The following ST3GAL4 variants were observed in gnomAD, a reference collection of about 807,000 sequenced individuals.
ST3GAL4 encodes CMP-N-acetylneuraminate-beta-galactosamide-alpha-2,3-sialyltransferase 4.
ST3GAL4 carries 24 observed loss-of-function variants against 42.6 expected under a neutral mutation model. The observed-to-expected ratio is 0.56, with a 90% CI of 0.41 to 0.79. The LOEUF is 0.79. ST3GAL4 is among the 30% of genes least tolerant of loss of function. The pLI is 0.00. For missense variants in ST3GAL4, 311 were observed against 430.8 expected, an observed-to-expected ratio of 0.72 and a Z score of 2.46; for synonymous variants, 135 against 163.2, an observed-to-expected ratio of 0.83 and a Z score of 1.32.
At chr11:126,385,887 A>G (rs2135460149) in intron 1 of ST3GAL4, among the ~76,000 whole-genome samples, 1 of 151,438 alleles carries the variant, frequency 6.6e-6, no homozygotes, top group African/African-American at 2.4e-5. Context: ...CTTTGTTATC[A>G]ATGCCCTCCA....
rs1233819509 is a variant in ST3GAL4, at chr11:126,397,443, T to C, written c.-60-8653T>C. 6.6e-6 allele frequency among the ~76,000 whole-genome samples: 1 copy of C among 151,374 alleles called. No homozygotes were observed. The highest frequency in any genetic ancestry group is 1.9e-4 in the East Asian group (1 of 5,200). The stretch of plus-strand genomic sequence containing the variant: ...TGAAAACCTTGTATAATATAAAATT[T>C]TGTTACCTCTAAGTGCTGAAATTAA... On this transcript the variant is annotated intron_variant, in intron 1 of 10. Coordinates refer to ENST00000444328, the MANE Select transcript of ST3GAL4 (RefSeq NM_001254757.2). This position sits in a 1 kb window ranked among gnomAD's most constrained non-coding sequence, Gnocchi z 5.0.
Position 126,406,588 on chromosome 11 carries a change from C to G in ST3GAL4, c.101+31C>G. The G allele has an allele frequency of 6.2e-7, 1 of 1,613,912 alleles. No individual in the cohort carries two copies. Among genetic ancestry groups the G allele is most frequent in the Non-Finnish European group, 8.5e-7 (1 of 1,179,908 alleles). ...TTCACCTTCCATGTCCTTCCAGTGG[C>G]TCTTGTCAGGGACAGGGCTTAGGGA... is the stretch of plus-strand genomic sequence containing the variant. On this transcript the variant is annotated intron_variant, in intron 3 of 10. Coordinates refer to ENST00000444328, the MANE Select transcript of ST3GAL4 (RefSeq NM_001254757.2). This position sits in a 1 kb window ranked among gnomAD's most constrained non-coding sequence, Gnocchi z 5.4.
intron 4 of ST3GAL4, 106 bp downstream of exon 4, chr11:126,407,129 A>G (rs1012263432): frequency 1.6e-5 from 23 of 1,469,010 alleles, no homozygotes; most frequent in Admixed American, 3.4e-5. Flanking sequence ...GTTGGTGGAC[A>G]TGGGTTAGGT....
chr11:126,406,855 C>A lies in ST3GAL4; in HGVS notation c.102-88C>A. The A allele has an allele frequency of 8.0e-7, 1 of 1,249,474 alleles. No individual in the cohort carries two copies. The highest frequency in any genetic ancestry group is 1.2e-6 in the Non-Finnish European group (1 of 861,038). 77.4% of individuals were successfully genotyped at this position (1,249,474 alleles called of 1,614,324 possible). Reference sequence around the variant, plus strand: ...TTCCTCCCCGGCACCTTGGGACCTTCATGCCGTGGGAGAAGGCTTAGGCTG... The same window carrying A: ...TTCCTCCCCGGCACCTTGGGACCTTAATGCCGTGGGAGAAGGCTTAGGCTG... On this transcript the variant is annotated intron_variant, in intron 3 of 10. Coordinates refer to ENST00000444328, the MANE Select transcript of ST3GAL4 (RefSeq NM_001254757.2). This position sits in a 1 kb window ranked among gnomAD's most constrained non-coding sequence, Gnocchi z 5.4.
chr11:126,372,641 C>T (rs949735761), intron 1 of ST3GAL4, among the ~76,000 whole-genome samples: 5 of 152,140 alleles, frequency 3.3e-5, no homozygotes, highest in Non-Finnish European at 2.9e-5. Context: ...GTCTCGAACT[C>T]CCAACCTCAG....
intron 1 of ST3GAL4, among the ~76,000 whole-genome samples, chr11:126,381,441 GA>G (rs1952997821): frequency 6.6e-6 from 1 of 151,608 alleles, no homozygotes. Context: ...GCTGTGGGCA[GA>G]GGAGGAAAGG....
intron 1 of ST3GAL4, among the ~76,000 whole-genome samples, chr11:126,357,524 C>T (rs561865541): frequency 6.6e-6 from 1 of 152,132 alleles, no homozygotes; most frequent in African/African-American, 2.4e-5. Context: ...GCCTTCCCTA[C>T]GGGAAGCAGT....
At position 126,392,760 on chromosome 11, in the gene ST3GAL4, C is replaced by T. The variant is rs1345831486; in HGVS notation, c.-60-13336C>T. 1.3e-5 allele frequency among the ~76,000 whole-genome samples: 2 copies of T among 152,096 alleles called. No individual in the cohort carries two copies. The highest frequency in any genetic ancestry group is 3.9e-4 in the East Asian group (2 of 5,192). The stretch of plus-strand genomic sequence containing the variant: ...TACTTGGGACAGTGTGGTTTAACTG[C>T]CACAAAGTTAATAAAGCAGCATGAT... On this transcript the variant is annotated intron_variant, in intron 1 of 10. Transcript: ENST00000444328. This position sits in a 1 kb window ranked among gnomAD's most constrained non-coding sequence, Gnocchi z 5.8.
chr11:126,360,963 T>TG (rs936671059), intron 1 of ST3GAL4, among the ~76,000 whole-genome samples: 2 of 152,212 alleles, frequency 1.3e-5, no homozygotes, highest in South Asian at 2.1e-4. Context: ...GCTGCCACCT[T>TG]GGGGGTCTCT....
Position 126,414,184 on chromosome 11 carries a change from C to G in ST3GAL4, c.*137C>G. 1 of 821,906 alleles carries G rather than the reference C, an allele frequency of 1.2e-6. No individual in the cohort carries two copies. The highest frequency in any genetic ancestry group is 2.0e-6 in the Non-Finnish European group (1 of 492,302). 50.9% of individuals were successfully genotyped at this position (821,906 alleles called of 1,614,324 possible). On this transcript the variant is annotated 3_prime_UTR_variant, in exon 11 of 11. Coordinates refer to ENST00000444328, the MANE Select transcript of ST3GAL4 (RefSeq NM_001254757.2). ...TTGGGGAGGGAGTTCTGGGCCTGGC[C>G]AGGTCTGAGATGAGGCCATGCCCCT...
intron 1 of ST3GAL4, among the ~76,000 whole-genome samples, chr11:126,394,834 G>T (rs1272404544): frequency 6.7e-6 from 1 of 149,902 alleles, no homozygotes; most frequent in Middle Eastern, 3.2e-3. Context: ...GGCGGATGGT[G>T]GGGGGTGGGT....
chr11:126,414,152 C>A lies in ST3GAL4; in HGVS notation c.*105C>A, dbSNP rs555500133. On this transcript the variant is annotated 3_prime_UTR_variant, in exon 11 of 11. Coordinates refer to ENST00000444328, the MANE Select transcript of ST3GAL4 (RefSeq NM_001254757.2). ...TGCCAGTATGACCCACTTGGACTCA[C>A]CCCCTCTTGGGGAGGGAGTTCTGGG... 1.5e-4 allele frequency: 169 copies of A among 1,121,464 alleles called. 4 individuals carry two copies. The South Asian group carries it at 2.0e-3, about 13-fold the overall frequency. The allele number at this position is 1,121,464 out of a possible 1,614,324, so 69.5% of individuals were successfully genotyped here. A position where few individuals can be genotyped will look rare whatever the true frequency, so the allele number is the denominator to read the frequency against.
chr11:126,367,771 T>G (rs12281220), intron 1 of ST3GAL4, among the ~76,000 whole-genome samples: 2,491 of 152,282 alleles, frequency 0.016, 57 homozygotes, highest in African/African-American at 0.052. Flanking sequence ...CCTTAATGTA[T>G]TTGCTCTGTG....
Position 126,406,509 on chromosome 11 carries a change from T to A in ST3GAL4, c.53T>A (p.Val18Asp), listed in dbSNP as rs1954238771. Reference sequence around the variant, plus strand: ...CTGGCCATGTTGGCTCTGGTCCTGGTCGTCATGGTGTGGTATTCCATCTCC... The same window carrying A: ...CTGGCCATGTTGGCTCTGGTCCTGGACGTCATGGTGTGGTATTCCATCTCC... ...KLLAMLALVL[V>D]VMVWYSISRE... Residue 18 changes from valine (V) to aspartate (D), a missense_variant, in exon 3 of 11, where the codon GTC becomes GAC. Val to Asp is a radical substitution (Grantham distance 152). Transcript: ENST00000444328. This position sits in a 1 kb window ranked among gnomAD's most constrained non-coding sequence, Gnocchi z 5.4. 1 of 1,614,188 alleles carries A rather than the reference T, an allele frequency of 6.2e-7. No homozygotes were observed. Among genetic ancestry groups the A allele is most frequent in the Non-Finnish European group, 8.5e-7 (1 of 1,180,030 alleles).
chr11:126,375,675 T>G (rs992793078), intron 1 of ST3GAL4, among the ~76,000 whole-genome samples: 3 of 152,108 alleles, frequency 2.0e-5, no homozygotes, highest in African/African-American at 7.2e-5. Flanking sequence ...AGCACAGTGG[T>G]CCTCAGCATT....
rs140059921 is a variant in ST3GAL4, at chr11:126,396,719, G to A, written c.-60-9377G>A. Among the ~76,000 whole-genome samples, 3,162 of 150,118 alleles carry A rather than the reference G, an allele frequency of 0.021. 184 individuals are homozygous for A. Among genetic ancestry groups the A allele is most frequent in the African/African-American group, 0.073 (2,983 of 40,704 alleles). ...TCTGCACGGGATGGTTTTAGAAGCC[G>A]TAGGATGTGGAGGTTCTGGCTGAAG... On this transcript the variant is annotated intron_variant, in intron 1 of 10. Transcript: ENST00000444328. This position sits in a 1 kb window ranked among gnomAD's most constrained non-coding sequence, Gnocchi z 5.8.
At chr11:126,413,901 T>C (rs1013705379) in intron 10 of ST3GAL4, 60 bp from the exon 11 acceptor site, 4 of 1,595,702 alleles carry the variant, frequency 2.5e-6, no homozygotes, top group South Asian at 2.2e-5. Context: ...AGGGAGACTT[T>C]CCTGGGGACA....
intron 1 of ST3GAL4, among the ~76,000 whole-genome samples, chr11:126,364,189 C>G (rs915782354): frequency 4.6e-5 from 7 of 152,108 alleles, no homozygotes; most frequent in Non-Finnish European, 8.8e-5. Context: ...GGTTTGACAA[C>G]AAAGCTCCCT....
chr11:126,381,777 G>C (rs1266672755), intron 1 of ST3GAL4, among the ~76,000 whole-genome samples: 1 of 151,976 alleles, frequency 6.6e-6, no homozygotes, highest in Non-Finnish European at 1.5e-5. Flanking sequence ...TTGGGAGGCT[G>C]TTCCTTGGCC....
Sources: gnomAD v4.1 joint callset for allele counts (sites outside exome capture counted in the v4.1 genomes callset) on GRCh38, gnomAD v4.1.1 for gene constraint, Gnocchi (gnomAD v3.1) non-coding constraint, MANE v1.5 for transcripts, NCBI Gene and HGNC (gene_info 2026-07-23, HGNC 2026-07-21) for gene names.